The following LAMA2 variants were observed in gnomAD, a reference collection of about 807,000 sequenced individuals.
LAMA2 encodes laminin subunit alpha 2.
In LAMA2, 269 loss-of-function variants were observed where a neutral mutation model predicts 364.8. That is an observed-to-expected ratio of 0.74 (90% CI 0.67 to 0.82). The LOEUF is 0.82. LAMA2 is among the 40% of genes least tolerant of loss of function. LAMA2 has a pLI of 0.00. For synonymous variants in LAMA2, 1,379 were observed against 1,370.6 expected, an observed-to-expected ratio of 1.01 and a Z score of -0.14; for missense variants, 3,807 against 3,873.2, an observed-to-expected ratio of 0.98 and a Z score of 0.45.
At chr6:128,937,224 A>G (rs1338530113) in intron 1 of LAMA2, among the ~76,000 whole-genome samples, 4 of 152,280 alleles carry the variant, frequency 2.6e-5, no homozygotes, top group Non-Finnish European at 4.4e-5. Flanking sequence ...CCTCTTAATC[A>G]TGGTGAATGT....
chr6:129,058,006 T>A (rs755771616), intron 2 of LAMA2, among the ~76,000 whole-genome samples: 12 of 151,960 alleles, frequency 7.9e-5, no homozygotes, highest in Non-Finnish European at 1.6e-4. Context: ...AACACAGGAG[T>A]ACAGGGAAGC....
chr6:129,293,547 GA>G (rs1159078773), intron 20 of LAMA2, among the ~76,000 whole-genome samples: 11 of 152,286 alleles, frequency 7.2e-5, no homozygotes, highest in South Asian at 2.1e-4. Context: ...ACAAATGCAA[GA>G]AACACATTTT....
At chr6:129,017,570 G>T (rs1238403113) in intron 1 of LAMA2, among the ~76,000 whole-genome samples, 1 of 151,802 alleles carries the variant, frequency 6.6e-6, no homozygotes, top group Non-Finnish European at 1.5e-5. Flanking sequence ...ATATAAAATG[G>T]TTTTTCATAA....
intron 1 of LAMA2, among the ~76,000 whole-genome samples, chr6:128,982,873 G>A (rs1275889367): frequency 6.8e-6 from 1 of 148,036 alleles, no homozygotes; most frequent in Non-Finnish European, 1.5e-5. Context: ...TTGGTTTTTT[G>A]TCCTTGTGAT....
At chr6:128,982,722 C>T (rs1049820903) in intron 1 of LAMA2, among the ~76,000 whole-genome samples, 1 of 150,224 alleles carries the variant, frequency 6.7e-6, no homozygotes, top group Non-Finnish European at 1.5e-5. Flanking sequence ...CGTCATTTAG[C>T]ATTAGGTATA....
At chr6:128,912,695 A>G (rs982003403) in intron 1 of LAMA2, among the ~76,000 whole-genome samples, 1 of 152,246 alleles carries the variant, frequency 6.6e-6, no homozygotes, top group Non-Finnish European at 1.5e-5. Context: ...CAGGAATGGC[A>G]TAGTAGGGAA....
chr6:129,208,667 AAG>A (rs1366668764), intron 12 of LAMA2, among the ~76,000 whole-genome samples: 9 of 138,024 alleles, frequency 6.5e-5, no homozygotes, highest in Non-Finnish European at 1.1e-4. Flanking sequence ...GGGAGAAAGA[AAG>A]AGAAAGAGAA....
chr6:129,275,398 GA>G (rs769911025), intron 17 of LAMA2, among the ~76,000 whole-genome samples: 2 of 151,960 alleles, frequency 1.3e-5, no homozygotes, highest in East Asian at 3.9e-4. Flanking sequence ...ACCAATATTG[GA>G]ACTCATATAT....
intron 4 of LAMA2, among the ~76,000 whole-genome samples, chr6:129,108,626 G>A (rs907208412): frequency 6.6e-6 from 1 of 151,780 alleles, no homozygotes; most frequent in African/African-American, 2.4e-5. Flanking sequence ...TCCCTTTTAA[G>A]GGAACTTACA....
intron 48 of LAMA2, among the ~76,000 whole-genome samples, chr6:129,458,544 G>C (rs990304190): frequency 6.6e-6 from 1 of 151,888 alleles, no homozygotes; most frequent in Non-Finnish European, 1.5e-5. Context: ...CAGGATGCAA[G>C]AAGAAGCAAA....
At chr6:129,206,903 G>A (rs1028963818) in intron 12 of LAMA2, among the ~76,000 whole-genome samples, 3 of 152,228 alleles carry the variant, frequency 2.0e-5, no homozygotes, top group Admixed American at 1.3e-4. Context: ...GAGGCACATC[G>A]AAAGCTGACG....
intron 4 of LAMA2, among the ~76,000 whole-genome samples, chr6:129,103,232 A>G (rs1775616273): frequency 6.6e-6 from 1 of 152,218 alleles, no homozygotes; most frequent in Non-Finnish European, 1.5e-5. Context: ...TGTCATTGAG[A>G]GTGTTGACTC....
At chr6:129,111,592 T>C (rs1205900392) in intron 4 of LAMA2, among the ~76,000 whole-genome samples, 1 of 152,000 alleles carries the variant, frequency 6.6e-6, no homozygotes, top group African/African-American at 2.4e-5. Context: ...TAAACTAATA[T>C]GTGCCAAAGC....
intron 32 of LAMA2, among the ~76,000 whole-genome samples, chr6:129,360,759 A>C (rs1777413385): frequency 6.6e-6 from 1 of 152,256 alleles, no homozygotes. Context: ...ATGAGGAACC[A>C]AAACAGATGG....
At chr6:129,030,171 C>G (rs1215235948) in intron 1 of LAMA2, among the ~76,000 whole-genome samples, 1 of 152,096 alleles carries the variant, frequency 6.6e-6, no homozygotes, top group East Asian at 1.9e-4. Context: ...GCCAGTCTCA[C>G]TTTGAGTATC....
At chr6:129,361,326 G>A (rs1039365772) in intron 32 of LAMA2, among the ~76,000 whole-genome samples, 1 of 152,160 alleles carries the variant, frequency 6.6e-6, no homozygotes, top group Non-Finnish European at 1.5e-5. Context: ...CCTATGAATT[G>A]CAGCTTGAAA....
chr6:129,141,622 C>A (rs1778127898), intron 4 of LAMA2, among the ~76,000 whole-genome samples: 1 of 152,038 alleles, frequency 6.6e-6, no homozygotes, highest in Admixed American at 6.6e-5. Context: ...TTGTAAAAGG[C>A]TCCCTGGGAT....
At chr6:129,358,607 A>G (rs1250961310) in intron 32 of LAMA2, among the ~76,000 whole-genome samples, 3 of 152,060 alleles carry the variant, frequency 2.0e-5, no homozygotes, top group Admixed American at 1.3e-4. Context: ...TGAAGTGGCT[A>G]CAGAAGGTTT....
intron 29 of LAMA2, among the ~76,000 whole-genome samples, chr6:129,337,900 A>G (rs1382176746): frequency 1.3e-5 from 2 of 152,178 alleles, no homozygotes; most frequent in African/African-American, 4.8e-5. Context: ...ACACTATTTC[A>G]AAGCAGACAG....
Sources: gnomAD v4.1 joint callset for allele counts (sites outside exome capture counted in the v4.1 genomes callset) on GRCh38, gnomAD v4.1.1 for gene constraint, MANE v1.5 for transcripts, NCBI Gene and HGNC (gene_info 2026-07-23, HGNC 2026-07-21) for gene names.